Variants in TSGA10 observed in about 807,000 individuals in gnomAD.
TSGA10 encodes the protein testis-specific gene 10 protein.
TSGA10 carries 43 observed loss-of-function variants against 96.6 expected under a neutral mutation model. The observed-to-expected ratio is 0.44, with a 90% CI of 0.35 to 0.57. The LOEUF (loss-of-function observed/expected upper bound fraction) is 0.57, where lower values mean the gene tolerates loss of function less well. TSGA10 is among the 20% of genes least tolerant of loss of function. The pLI is 0.01. For synonymous variants in TSGA10, 229 were observed against 269.9 expected (o/e 0.85, Z 1.48); for missense variants, 703 against 834.4 (o/e 0.84, Z 1.94).
intron 17 of TSGA10, among the ~76,000 whole-genome samples, chr2:99,034,450 T>C (rs1362517355): frequency 2.0e-5 from 3 of 152,140 alleles, no homozygotes; most frequent in African/African-American, 7.2e-5. Context: ...AACAGAACTT[T>C]AAACATGACC....
chr2:99,064,005 T>C (rs2084977419), intron 16 of TSGA10, among the ~76,000 whole-genome samples: 2 of 152,114 alleles, frequency 1.3e-5, no homozygotes, highest in Admixed American at 6.5e-5. Context: ...TGTCTGACAA[T>C]ATCAAGTATT....
rs893431369 is a variant in TSGA10, at chr2:99,047,083, A to G, written c.1405-11644T>C. Among the ~76,000 whole-genome samples the G allele has an allele frequency of 1.4e-4, 22 of 152,342 alleles. No homozygotes were observed. In the East Asian group the frequency reaches 3.3e-3, roughly 23 times the overall value. On this transcript the variant is annotated intron_variant, in intron 16 of 20. Transcript: ENST00000393483. ...CTCTGAAATTGAGGCAATAATTAAT[A>G]GCTTACCAATCAAAAAAAGTCCAGG...
intron 16 of TSGA10, among the ~76,000 whole-genome samples, chr2:99,056,865 A>C (rs1045655757): frequency 6.6e-6 from 1 of 151,866 alleles, no homozygotes; most frequent in Non-Finnish European, 1.5e-5. Flanking sequence ...AACATAAAAA[A>C]TAATTACATA....
At chr2:99,055,210 C>T (rs2083833901) in intron 16 of TSGA10, among the ~76,000 whole-genome samples, 1 of 152,158 alleles carries the variant, frequency 6.6e-6, no homozygotes, top group Non-Finnish European at 1.5e-5. Context: ...TTTGTGACCA[C>T]ATGGATGACC....
intron 17 of TSGA10, among the ~76,000 whole-genome samples, chr2:99,023,197 G>C (rs1334253766): frequency 6.6e-6 from 1 of 151,926 alleles, no homozygotes; most frequent in Non-Finnish European, 1.5e-5. Flanking sequence ...ATGGGTTTTT[G>C]CCATGTTGCC....
intron 1 of TSGA10, among the ~76,000 whole-genome samples, chr2:99,133,974 C>G (rs2093220332): frequency 1.3e-5 from 2 of 152,192 alleles, no homozygotes. Flanking sequence ...GATAGGCTTC[C>G]CTTTGTGGGT....
At position 99,100,819 on chromosome 2, in the gene TSGA10, C is replaced by CAA. The variant is rs70940133; in HGVS notation, c.611+3146_611+3147dup. On this transcript the variant is annotated intron_variant, in intron 10 of 20. Coordinates refer to ENST00000393483, the MANE Select transcript of TSGA10 (RefSeq NM_025244.4). ...TGGGCAACAGAGCGAGACTCCGTCT[C>CAA]AAAAAAAAAAAAAAAAAAATACACT... 3.9e-3 allele frequency among the ~76,000 whole-genome samples: 270 copies of CAA among 69,660 alleles called. 15 individuals are homozygous for CAA. The highest frequency in any genetic ancestry group is 6.2e-3 in the African/African-American group (97 of 15,570). The allele number at this position is 69,660 out of a possible 152,430, so 45.7% of individuals were successfully genotyped here.
At chr2:99,114,441 G>T (rs1029888492) in intron 4 of TSGA10, among the ~76,000 whole-genome samples, 1 of 151,970 alleles carries the variant, frequency 6.6e-6, no homozygotes, top group Non-Finnish European at 1.5e-5. Context: ...CCAACCCAAA[G>T]GCCTATTTCC....
chr2:99,147,583 TTA>T (rs1325421339), intron 1 of TSGA10: 7 of 1,091,578 alleles, frequency 6.4e-6, no homozygotes, highest in Non-Finnish European at 9.7e-6. Context: ...AAATTGATAA[TTA>T]TATGTTACCA....
intron 16 of TSGA10, among the ~76,000 whole-genome samples, chr2:99,052,655 G>A (rs187238948): frequency 0.018 from 2,758 of 151,602 alleles, 87 homozygotes; most frequent in African/African-American, 0.064. Context: ...GAAGAATGGC[G>A]TGAACCCAGG....
chr2:99,052,659 A>G (rs1032189848), intron 16 of TSGA10, among the ~76,000 whole-genome samples: 1 of 151,704 alleles, frequency 6.6e-6, no homozygotes, highest in Non-Finnish European at 1.5e-5. Flanking sequence ...AATGGCGTGA[A>G]CCCAGGAGGC....
At chr2:99,049,819 A>G (rs779101371) in intron 16 of TSGA10, among the ~76,000 whole-genome samples, 14 of 152,308 alleles carry the variant, frequency 9.2e-5, no homozygotes, top group Non-Finnish European at 1.6e-4. Context: ...CATATAAGAA[A>G]CACTAAAGGA....
intron 20 of TSGA10, among the ~76,000 whole-genome samples, chr2:99,007,024 G>C (rs543581624): frequency 8.5e-5 from 13 of 152,082 alleles, no homozygotes; most frequent in African/African-American, 2.9e-4. Context: ...CCATCATTCT[G>C]AGCAAACTAT....
chr2:99,069,580 C>T (rs1353839051), intron 14 of TSGA10, among the ~76,000 whole-genome samples: 3 of 151,312 alleles, frequency 2.0e-5, no homozygotes, highest in African/African-American at 4.9e-5. Flanking sequence ...GGGAGGATCA[C>T]TTGAGCCTAA....
At chr2:99,075,420 G>T (rs2086588486) in intron 12 of TSGA10, among the ~76,000 whole-genome samples, 1 of 152,020 alleles carries the variant, frequency 6.6e-6, no homozygotes, top group Non-Finnish European at 1.5e-5. Flanking sequence ...AATCTATGAA[G>T]TTGCCATTGA....
rs1186678435 is a variant in TSGA10 at position 99,154,794 on chromosome 2, C to G, written c.-722G>C. Reference sequence around the variant, plus strand: ...GGTACTTTTATTCGAACGTAGCCTGCGTCCCTGCCTGGAACCTGGTTCCCG... The same window carrying G: ...GGTACTTTTATTCGAACGTAGCCTGGGTCCCTGCCTGGAACCTGGTTCCCG... On this transcript the variant is annotated 5_prime_UTR_variant, in exon 1 of 21. Transcript: ENST00000393483. 1.8e-5 allele frequency: 6 copies of G among 324,508 alleles called. No homozygotes were observed. The East Asian group carries it at 5.5e-4, about 30-fold the overall frequency. 20.1% of individuals were successfully genotyped at this position (324,508 alleles called of 1,614,324 possible).
intron 4 of TSGA10, among the ~76,000 whole-genome samples, chr2:99,115,899 A>C (rs890333259): frequency 6.6e-6 from 1 of 152,062 alleles, no homozygotes; most frequent in Non-Finnish European, 1.5e-5. Flanking sequence ...AAAAAGTTCT[A>C]TTATTTGACT....
chr2:99,045,200 C>A (rs1363833166), intron 16 of TSGA10, among the ~76,000 whole-genome samples: 1 of 151,842 alleles, frequency 6.6e-6, no homozygotes, highest in Non-Finnish European at 1.5e-5. Flanking sequence ...CTGAAGGAGA[C>A]AGAGACACAA....
rs376898016 is a variant in TSGA10, at chr2:99,070,462, G to A, written c.1107+1244C>T. On this transcript the variant is annotated intron_variant, in intron 14 of 20. Transcript: ENST00000393483. ...ACATTAGAAAATGTGTATAAAAATAGTGTTAAAATTTTTAAGTGCACTGTA... is the reference window on the plus strand; with the variant it reads ...ACATTAGAAAATGTGTATAAAAATAATGTTAAAATTTTTAAGTGCACTGTA... 9.2e-5 allele frequency among the ~76,000 whole-genome samples: 14 copies of A among 152,110 alleles called. No individual in the cohort carries two copies. In the East Asian group the frequency reaches 2.3e-3, roughly 25 times the overall value.
Sources: allele counts gnomAD v4.1 joint callset (sites outside exome capture counted in the v4.1 genomes callset), GRCh38; gene constraint gnomAD v4.1.1; transcripts MANE v1.5; gene names NCBI Gene and HGNC (gene_info 2026-07-23, HGNC 2026-07-21).